COBL: variants seen among roughly 807,000 people sequenced by gnomAD.
COBL encodes protein cordon-bleu.
A neutral mutation model predicts 98.8 loss-of-function variants in COBL; 51 were observed. The ratio of observed to expected loss-of-function variants is 0.52; its 90% CI spans 0.41 to 0.65. The LOEUF (loss-of-function observed/expected upper bound fraction) is 0.65, where lower values mean the gene tolerates loss of function less well. Among genes scored for constraint, COBL ranks in the 30% least tolerant of loss-of-function variants. The probability of loss-of-function intolerance (pLI) is 0.00; values close to 1 mark genes in which losing one functional copy is unlikely to be tolerated. For missense variants in COBL, 1,617 were observed against 1,617.5 expected (o/e 1.00, Z 0.01); for synonymous variants, 634 against 651.7 (o/e 0.97, Z 0.41).
intron 5 of COBL, among the ~76,000 whole-genome samples, chr7:51,154,212 T>C (rs557850384): frequency 6.6e-6 from 1 of 152,270 alleles, no homozygotes; most frequent in South Asian, 2.1e-4. Flanking sequence ...CCATGCATAT[T>C]CTCCACACAT....
At chr7:51,253,236 T>A (rs1261910549) in intron 1 of COBL, among the ~76,000 whole-genome samples, 2 of 152,218 alleles carry the variant, frequency 1.3e-5, no homozygotes, top group African/African-American at 4.8e-5. Context: ...AATAAATAAA[T>A]AAATAAAATG....
At chr7:51,209,066 A>AC (rs71018499) in intron 2 of COBL, among the ~76,000 whole-genome samples, 58,058 of 131,140 alleles carry the variant, frequency 0.44, 14,892 homozygotes, top group Non-Finnish European at 0.55. Flanking sequence ...AAAAAAAAAA[A>AC]AAAAAACATT....
chr7:51,178,185 T>TCTCC (rs1363400049), intron 5 of COBL, among the ~76,000 whole-genome samples: 2 of 147,932 alleles, frequency 1.4e-5, no homozygotes, highest in African/African-American at 5.0e-5. Flanking sequence ...TCTCTCTATA[T>TCTCC]ATATATATAT....
chr7:51,079,401 T>G (rs1001962473), intron 7 of COBL, among the ~76,000 whole-genome samples: 1 of 152,224 alleles, frequency 6.6e-6, no homozygotes, highest in African/African-American at 2.4e-5. Context: ...AATTTGATAC[T>G]TGTAATTCAC....
intron 7 of COBL, among the ~76,000 whole-genome samples, chr7:51,065,999 C>T (rs1432182315): frequency 6.6e-6 from 1 of 152,200 alleles, no homozygotes; most frequent in Non-Finnish European, 1.5e-5. Flanking sequence ...TCTCGGACTT[C>T]CAGCCTCCAG....
At chr7:51,107,566 C>T (rs951299319) in intron 6 of COBL, among the ~76,000 whole-genome samples, 30 of 152,210 alleles carry the variant, frequency 2.0e-4, no homozygotes, top group African/African-American at 4.1e-4. Flanking sequence ...TATGTGCAGA[C>T]GTTTATAATC....
rs1787831489 is a variant in COBL at position 51,028,600 on chromosome 7, C to A, written c.2496G>T (p.Gly832=). 6.2e-7 allele frequency: 1 copy of A among 1,614,088 alleles called. No homozygotes were observed. Among genetic ancestry groups the A allele is most frequent in the Non-Finnish European group, 8.5e-7 (1 of 1,179,960 alleles). The change falls in exon 10 of 13, where the codon GGG becomes GGT. Residue 832 remains glycine (G), a synonymous_variant. Transcript: ENST00000265136. ...HHEGRNPLGE[G]RNQPPTMGMG... ...TGCCCATGGTGGGGGGCTGGTTTCT[C>A]CCCTCCCCTAGGGGGTTCCGGCCCT...
In COBL at chr7:51,082,161, C is replaced by T. The variant is rs150733118; in HGVS notation, c.1096+3005G>A. Among the ~76,000 whole-genome samples the T allele has an allele frequency of 1.1e-3, 174 of 152,232 alleles. 3 individuals carry two copies. Among genetic ancestry groups the T allele is most frequent in the African/African-American group, 4.0e-3 (165 of 41,544 alleles). Reference sequence around the variant, plus strand: ...GAAGACAGAAAAAGATAAAGCAGTCCAGTGGCAGAAAAGTATGAACTTCCT... The same window carrying T: ...GAAGACAGAAAAAGATAAAGCAGTCTAGTGGCAGAAAAGTATGAACTTCCT... On this transcript the variant is annotated intron_variant, in intron 7 of 12. Transcript: ENST00000265136.
At chr7:51,223,461 G>A (rs1479807122) in intron 1 of COBL, among the ~76,000 whole-genome samples, 2 of 152,300 alleles carry the variant, frequency 1.3e-5, no homozygotes, top group East Asian at 1.9e-4. Flanking sequence ...GCTCAGTGAC[G>A]TCACACATCT....
At chr7:51,312,292 T>C (rs1228906907) in intron 1 of COBL, among the ~76,000 whole-genome samples, 1 of 152,002 alleles carries the variant, frequency 6.6e-6, no homozygotes, top group African/African-American at 2.4e-5. Context: ...GATCGCACCA[T>C]TGCACTCCAG....
intron 5 of COBL, among the ~76,000 whole-genome samples, chr7:51,178,188 A>C (rs960687378): frequency 8.5e-5 from 13 of 152,110 alleles, no homozygotes; most frequent in Admixed American, 2.0e-4. Context: ...CTCTATATAT[A>C]TATATATACA....
At chr7:51,074,592 G>T (rs1256610819) in intron 7 of COBL, among the ~76,000 whole-genome samples, 1 of 152,126 alleles carries the variant, frequency 6.6e-6, no homozygotes, top group East Asian at 1.9e-4. Context: ...TCTTCAACAT[G>T]GTTTTTATAC....
At chr7:51,227,767 G>A (rs1794347536) in intron 1 of COBL, among the ~76,000 whole-genome samples, 2 of 152,146 alleles carry the variant, frequency 1.3e-5, no homozygotes, top group East Asian at 1.9e-4. Flanking sequence ...CAAGCTCAGG[G>A]CAATGTTCCT....
chr7:51,152,873 C>A (rs1308271815), intron 5 of COBL, among the ~76,000 whole-genome samples: 2 of 152,356 alleles, frequency 1.3e-5, no homozygotes, highest in South Asian at 2.1e-4. Flanking sequence ...AATGCTCCAA[C>A]GGTTCAGCCC....
intron 7 of COBL, among the ~76,000 whole-genome samples, chr7:51,073,642 G>C (rs1008542915): frequency 6.6e-6 from 1 of 152,054 alleles, no homozygotes; most frequent in African/African-American, 2.4e-5. Context: ...TTCCCTCATG[G>C]TTGGTCTTTC....
intron 2 of COBL, among the ~76,000 whole-genome samples, chr7:51,211,228 C>T (rs1182206718): frequency 6.6e-6 from 1 of 152,196 alleles, no homozygotes; most frequent in Non-Finnish European, 1.5e-5. Flanking sequence ...TGATCTGCAG[C>T]TTTGCCCATT....
chr7:51,257,402 G>A (rs1446438588), intron 1 of COBL, among the ~76,000 whole-genome samples: 3 of 152,092 alleles, frequency 2.0e-5, no homozygotes, highest in East Asian at 1.9e-4. Flanking sequence ...GAGGATAAAC[G>A]ATAGCATATC....
intron 1 of COBL, among the ~76,000 whole-genome samples, chr7:51,267,677 C>G (rs1426741372): frequency 2.0e-5 from 3 of 152,096 alleles, no homozygotes; most frequent in Non-Finnish European, 4.4e-5. Context: ...CAGTTTCAAG[C>G]AATTCTCGTG....
At chr7:51,128,483 G>A (rs933976097) in intron 6 of COBL, among the ~76,000 whole-genome samples, 4 of 152,008 alleles carry the variant, frequency 2.6e-5, no homozygotes, top group African/African-American at 9.7e-5. Context: ...AATCTCAGAT[G>A]CAGAAAAGCA....
Sources: allele counts gnomAD v4.1 joint callset (sites outside exome capture counted in the v4.1 genomes callset), GRCh38; gene constraint gnomAD v4.1.1; transcripts MANE v1.5; gene names NCBI Gene and HGNC (gene_info 2026-07-23, HGNC 2026-07-21).